RNH1: variants seen among roughly 807,000 people sequenced by gnomAD.
RNH1 encodes the protein ribonuclease/angiogenin inhibitor 1, also known as ribonuclease inhibitor.
In RNH1, 38 loss-of-function variants were observed where a neutral mutation model predicts 46.1. That is an observed-to-expected ratio of 0.82 (90% CI 0.64 to 1.08). RNH1 has a LOEUF of 1.08. Among genes scored for constraint, RNH1 ranks in the 50% least tolerant of loss-of-function variants. The probability of loss-of-function intolerance (pLI) is 0.00; values close to 1 mark genes in which losing one functional copy is unlikely to be tolerated. For synonymous variants in RNH1, 319 were observed against 279.1 expected, an observed-to-expected ratio of 1.14 and a Z score of -1.43; for missense variants, 577 against 590.7, an observed-to-expected ratio of 0.98 and a Z score of 0.24.
At position 500,640 on chromosome 11, in the gene RNH1, CCA is replaced by C. The variant is rs1212137018; in HGVS notation, c.114_115del (p.Cys38TrpfsTer140). ...GTCCTTGCACCGTGCTTCCGTGAGG[CCA>C]CAGTCGTCCAGCCTGTGAGCAGACC... On this transcript the variant is annotated frameshift_variant, in exon 4 of 11. Transcript: ENST00000354420. LOFTEE classifies it high-confidence loss of function. 3 of 1,605,750 alleles carry C rather than the reference CCA, an allele frequency of 1.9e-6. No homozygotes were observed. The highest frequency in any genetic ancestry group is 2.2e-5 in the South Asian group (2 of 91,074).
chr11:498,291 C>T, intron 8 of RNH1, 150 bp from the exon 9 acceptor site: 1 of 1,257,116 alleles, frequency 8.0e-7, no homozygotes, highest in South Asian at 1.5e-5. Flanking sequence ...TCCTTGGCCC[C>T]AAGCACTGTT....
chr11:495,254 G>C (rs982058232), intron 9 of RNH1, among the ~76,000 whole-genome samples: 1 of 152,236 alleles, frequency 6.6e-6, no homozygotes. Flanking sequence ...ACAGACAAGC[G>C]AGGCACAAGC....
intron 5 of RNH1, chr11:499,396 G>A (rs554373416): frequency 3.6e-5 from 24 of 672,192 alleles, no homozygotes; most frequent in African/African-American, 3.0e-4. Context: ...ACCCCCTCCC[G>A]GACCTCAGAC....
rs182377742 is a variant in RNH1 at position 501,247 on chromosome 11, C to T, written c.102-593G>A. On this transcript the variant is annotated intron_variant, in intron 3 of 10. Coordinates refer to ENST00000354420, the MANE Select transcript of RNH1 (RefSeq NM_203387.3). The surrounding 1 kb of genome is among the most constrained non-coding windows in gnomAD (Gnocchi z 4.1). Reference sequence around the variant, plus strand: ...GACAGGACGCTCCTGGCAGGCCCCACGGCATCTCCCTGCATTCCTGCCAAA... The same window carrying T: ...GACAGGACGCTCCTGGCAGGCCCCATGGCATCTCCCTGCATTCCTGCCAAA... The T allele has an allele frequency of 4.6e-4, 90 of 196,664 alleles. No homozygotes were observed. Among genetic ancestry groups the T allele is most frequent in the Non-Finnish European group, 5.9e-4 (55 of 93,474 alleles). The allele number at this position is 196,664 out of a possible 1,614,324, so 12.2% of individuals were successfully genotyped here. A position where few individuals can be genotyped will look rare whatever the true frequency, so the allele number is the denominator to read the frequency against.
chr11:498,571 C>A lies in RNH1; in HGVS notation c.842G>T (p.Arg281Met). Residue 281 changes from arginine (R) to methionine (M), a missense_variant, in exon 8 of 11, where the codon AGG becomes ATG. By Grantham distance (91) the Arg-to-Met change is moderately conservative. Coordinates refer to ENST00000354420, the MANE Select transcript of RNH1 (RefSeq NM_203387.3). ...GAGCTCCTTCAGGCTCTCCTTGGCC[C>A]TGAGGACACGGCACAGATCCCCGCA... ...KGCGDLCRVLRAKESLKELSL... is the reference protein window; with the variant it reads ...KGCGDLCRVLMAKESLKELSL... 1 of 1,613,172 alleles carries A rather than the reference C, an allele frequency of 6.2e-7. No homozygotes were observed. The highest frequency in any genetic ancestry group is 1.1e-5 in the South Asian group (1 of 91,090).
chr11:497,636 C>T (rs1355624490), intron 9 of RNH1, among the ~76,000 whole-genome samples: 3 of 148,416 alleles, frequency 2.0e-5, no homozygotes, highest in East Asian at 2.0e-4. Flanking sequence ...TGCTCACACA[C>T]GGACACTCGT....
rs748936854 is a variant in RNH1 at position 501,635 on chromosome 11, G to A, written c.101+427C>T. On this transcript the variant is annotated intron_variant, in intron 3 of 10. Coordinates refer to ENST00000354420, the MANE Select transcript of RNH1 (RefSeq NM_203387.3). The surrounding 1 kb of genome is among the most constrained non-coding windows in gnomAD (Gnocchi z 4.1). ...AAAGATGCGGCCCACCCAGGCACTC[G>A]TGTCCTGCTTGTGAAGCTGCTGGGT... 6 of 184,070 alleles carry A rather than the reference G, an allele frequency of 3.3e-5. No individual in the cohort carries two copies. The highest frequency in any genetic ancestry group is 4.9e-3 in the Middle Eastern group (2 of 410). 11.4% of individuals were successfully genotyped at this position (184,070 alleles called of 1,614,324 possible).
chr11:507,156 C>G lies in RNH1; in HGVS notation c.-304G>C, dbSNP rs183890236. ...CGGTCGCGGGCCTGGAGACCCAGAG[C>G]GAGACGGCCTACTTCGTTCTCGAGC... On this transcript the variant is annotated 5_prime_UTR_variant, in exon 1 of 11. Transcript: ENST00000354420. The G allele has an allele frequency of 6.6e-6, 1 of 152,332 alleles. No individual in the cohort carries two copies. Among genetic ancestry groups the G allele is most frequent in the African/African-American group, 2.4e-5 (1 of 41,566 alleles). 9.4% of individuals were successfully genotyped at this position (152,332 alleles called of 1,614,324 possible). A position where few individuals can be genotyped will look rare whatever the true frequency, so the allele number is the denominator to read the frequency against.
chr11:498,677 T>A, intron 7 of RNH1, 50 bp from the exon 8 acceptor site: 1 of 1,604,882 alleles, frequency 6.2e-7, no homozygotes, highest in Non-Finnish European at 8.5e-7. Context: ...TCTCATGGCC[T>A]GAGATGAGCC....
rs1435631333 is a variant in RNH1 at position 500,557 on chromosome 11, C to T, written c.199G>A (p.Glu67Lys). The change falls in exon 4 of 11, where the codon GAG becomes AAG. Residue 67 changes from glutamate to lysine, a missense_variant. Transcript: ENST00000354420. ...CAATGCACGCCGACATCGCCCAGCT[C>T]GTTGCTGCGCAGGTTGAGCTCTGCC... ...ALAELNLRSN[E>K]LGDVGVHCVL... is the part of the protein sequence containing the mutation. 1.2e-6 allele frequency: 2 copies of T among 1,610,856 alleles called. No homozygotes were observed. Among genetic ancestry groups the T allele is most frequent in the African/African-American group, 1.3e-5 (1 of 74,942 alleles).
chr11:502,123 C>T lies in RNH1; in HGVS notation c.40G>A (p.Glu14Lys). ...TCGGCCCATCTAGCGTCGCTCAGCT[C>T]CTCACACTGGATGTCCAGGCTCTGG... ...DIQSLDIQCEELSDARWAELL... is the reference protein window; with the variant it reads ...DIQSLDIQCEKLSDARWAELL... The change falls in exon 3 of 11, where the codon GAG becomes AAG. Residue 14 changes from glutamate to lysine, a missense_variant. By Grantham distance (56) the Glu-to-Lys change is moderately conservative. Transcript: ENST00000354420. This position sits in a 1 kb window ranked among gnomAD's most constrained non-coding sequence, Gnocchi z 5.8. The T allele has an allele frequency of 6.2e-7, 1 of 1,611,878 alleles. No homozygotes were observed. Among genetic ancestry groups the T allele is most frequent in the Non-Finnish European group, 8.5e-7 (1 of 1,179,272 alleles).
At position 498,996 on chromosome 11, in the gene RNH1, C is replaced by A. The variant is rs189553688; in HGVS notation, c.614+19G>T. ...CCCCCTAGCCCACACCCCGCACCCCCCCAAGGCCCAGTGCCTACTTGAGCG... is the reference window on the plus strand; with the variant it reads ...CCCCCTAGCCCACACCCCGCACCCCACCAAGGCCCAGTGCCTACTTGAGCG... On this transcript the variant is annotated intron_variant, in intron 6 of 10. Coordinates refer to ENST00000354420, the MANE Select transcript of RNH1 (RefSeq NM_203387.3). 68 of 1,612,686 alleles carry A rather than the reference C, an allele frequency of 4.2e-5. No homozygotes were observed. In the East Asian group the frequency reaches 1.2e-3, roughly 29 times the overall value.
intron 9 of RNH1, among the ~76,000 whole-genome samples, chr11:497,571 A>ATT (rs140243577): frequency 1.7e-5 from 2 of 118,914 alleles, no homozygotes; most frequent in African/African-American, 6.4e-5. Flanking sequence ...ACACACGGAC[A>ATT]CGTGCTCATT....
At chr11:498,961 G>GCA (rs1565026518) in intron 6 of RNH1, 28 bp from the exon 7 acceptor site, 12 of 1,611,216 alleles carry the variant, frequency 7.4e-6, no homozygotes, top group Non-Finnish European at 1.0e-5. Context: ...ACGTGAGGCA[G>GCA]CACGGGACCC....
At position 500,576 on chromosome 11, in the gene RNH1, C is replaced by A; in HGVS notation, c.180G>T (p.Glu60Asp). 1.2e-6 allele frequency: 2 copies of A among 1,610,918 alleles called. No individual in the cohort carries two copies. The highest frequency in any genetic ancestry group is 2.2e-5 in the East Asian group (1 of 44,884). ...CCAGCTCGTTGCTGCGCAGGTTGAG[C>A]TCTGCCAGTGCAGGGTTGACTCGAA... ...SALRVNPALA[E>D]LNLRSNELGD... The change falls in exon 4 of 11, where the codon GAG becomes GAT. Residue 60 changes from glutamate (E) to aspartate (D), a missense_variant. Glu to Asp is a conservative substitution (Grantham distance 45, BLOSUM62 2). Coordinates refer to ENST00000354420, the MANE Select transcript of RNH1 (RefSeq NM_203387.3).
rs1230837323 is a variant in RNH1, at chr11:498,804, G to A, written c.744C>T (p.Cys248=). 2 of 1,607,176 alleles carry A rather than the reference G, an allele frequency of 1.2e-6. No individual in the cohort carries two copies. Among genetic ancestry groups the A allele is most frequent in the Admixed American group, 1.7e-5 (1 of 59,884 alleles). The change falls in exon 7 of 11, where the codon TGC becomes TGT. Residue 248 remains cysteine (C), a synonymous_variant. Coordinates refer to ENST00000354420, the MANE Select transcript of RNH1 (RefSeq NM_203387.3). ...TGGAGCTGGGGTGGAGCAGCCCTGG[G>A]CACAGCTCCGCCATGCCCACATCAC... ...KLGDVGMAEL[C]PGLLHPSSRL...
rs1195733327 is a variant in RNH1 at position 500,542 on chromosome 11, C to T, written c.214G>A (p.Gly72Ser). 28 of 1,610,674 alleles carry T rather than the reference C, an allele frequency of 1.7e-5. No homozygotes were observed. The highest frequency in any genetic ancestry group is 2.2e-5 in the East Asian group (1 of 44,902). The change falls in exon 4 of 11, where the codon GGC becomes AGC. Residue 72 changes from glycine to serine, a missense_variant. Transcript: ENST00000354420. ...AGGCCCTGGAGCACGCAATGCACGC[C>T]GACATCGCCCAGCTCGTTGCTGCGC... ...NLRSNELGDV[G>S]VHCVLQGLQT...
At chr11:499,315 GA>G (rs1849500531) in intron 5 of RNH1, 130 bp from the exon 6 acceptor site, 1 of 1,012,632 alleles carries the variant, frequency 9.9e-7, no homozygotes, top group African/African-American at 1.6e-5. Context: ...TGTCAGTGCT[GA>G]GGGACCCCCA....
intron 6 of RNH1, 23 bp downstream of exon 6, chr11:498,992 C>G (rs772833188): frequency 6.2e-7 from 1 of 1,611,170 alleles, no homozygotes; most frequent in Non-Finnish European, 8.5e-7. Context: ...ACACCCCGCA[C>G]CCCCCCAAGG....
Sources: allele counts gnomAD v4.1 joint callset (sites outside exome capture counted in the v4.1 genomes callset), GRCh38; gene constraint gnomAD v4.1.1; non-coding constraint Gnocchi (gnomAD v3.1); transcripts MANE v1.5; gene names NCBI Gene and HGNC (gene_info 2026-07-23, HGNC 2026-07-21).